Variants in ZBTB46 observed in about 807,000 individuals in gnomAD.
The protein encoded by ZBTB46 is zinc finger and BTB domain containing 46.
Under a neutral mutation model 44.1 loss-of-function variants are expected in ZBTB46, and 8 were observed. The observed-to-expected ratio is 0.18, with a 90% CI of 0.11 to 0.33. The LOEUF (loss-of-function observed/expected upper bound fraction) is 0.33. Ranked by LOEUF, ZBTB46 falls within the 10% of genes least tolerant of loss-of-function variation. ZBTB46 has a pLI of 1.00. For synonymous variants in ZBTB46, 409 were observed against 382.3 expected (o/e 1.07, Z -0.81); for missense variants, 651 against 847.7 (o/e 0.77, Z 2.88).
chr20:63,795,415 G>A (rs947809173), intron 1 of ZBTB46, among the ~76,000 whole-genome samples: 2 of 152,230 alleles, frequency 1.3e-5, no homozygotes, highest in Non-Finnish European at 2.9e-5. Context: ...CACAGGACGC[G>A]GTGCAGTTAC....
chr20:63,805,291 G>T lies in ZBTB46; in HGVS notation c.-33-14501C>A, dbSNP rs140028119. Among the ~76,000 whole-genome samples, 487 of 152,264 alleles carry T rather than the reference G, an allele frequency of 3.2e-3. 2 individuals are homozygous for T. Among genetic ancestry groups the T allele is most frequent in the African/African-American group, 0.011 (444 of 41,534 alleles). On this transcript the variant is annotated intron_variant, in intron 1 of 4. Transcript: ENST00000245663. Reference sequence around the variant, plus strand: ...TCAAAAATGTCTCATACTAAGTGCTGATAGAAGGTAAAATGAAACAGCAGC... The same window carrying T: ...TCAAAAATGTCTCATACTAAGTGCTTATAGAAGGTAAAATGAAACAGCAGC...
chr20:63,782,155 C>T (rs2092475905), intron 2 of ZBTB46, among the ~76,000 whole-genome samples: 1 of 151,624 alleles, frequency 6.6e-6, no homozygotes, highest in South Asian at 2.1e-4. Context: ...TGCAAACCCC[C>T]AGTGGTGAGC....
chr20:63,773,106 G>A (rs143763362), intron 3 of ZBTB46, among the ~76,000 whole-genome samples: 5 of 152,184 alleles, frequency 3.3e-5, no homozygotes, highest in East Asian at 3.9e-4. Flanking sequence ...CGTGCCCTCC[G>A]ACCCCATCTG....
chr20:63,803,714 CTTTT>C lies in ZBTB46; in HGVS notation c.-33-12928_-33-12925del, dbSNP rs1404122427. 6.6e-6 allele frequency among the ~76,000 whole-genome samples: 1 copy of C among 151,968 alleles called. No homozygotes were observed. The highest frequency in any genetic ancestry group is 1.5e-5 in the Non-Finnish European group (1 of 67,978). Reference sequence around the variant, plus strand: ...CGAACCTGGCTACCGTCACTTCCTTCTTTTTGTTTTTGTAATGGGGTCTCACTCT... The same window carrying C: ...CGAACCTGGCTACCGTCACTTCCTTCTGTTTTTGTAATGGGGTCTCACTCT... On this transcript the variant is annotated intron_variant, in intron 1 of 4. Coordinates refer to ENST00000245663, the MANE Select transcript of ZBTB46 (RefSeq NM_001369741.1). This position sits in a 1 kb window ranked among gnomAD's most constrained non-coding sequence, Gnocchi z 4.0.
At chr20:63,779,406 ATTTTTT>A (rs59166121) in intron 2 of ZBTB46, among the ~76,000 whole-genome samples, 5,449 of 103,842 alleles carry the variant, frequency 0.052, 194 homozygotes, top group East Asian at 0.24. Context: ...ACGCCGGCTA[ATTTTTT>A]TTTTTTTTTT....
At chr20:63,764,916 A>ATT (rs141414795) in intron 3 of ZBTB46, among the ~76,000 whole-genome samples, 1 of 146,584 alleles carries the variant, frequency 6.8e-6, no homozygotes, top group East Asian at 2.0e-4. Context: ...TGCTTTTAAG[A>ATT]TTTTTTTTTG....
At chr20:63,780,662 C>T (rs1306967514) in intron 2 of ZBTB46, among the ~76,000 whole-genome samples, 3 of 150,864 alleles carry the variant, frequency 2.0e-5, no homozygotes, top group Non-Finnish European at 3.0e-5. Context: ...ATGAGCCGGG[C>T]GTGGTGGCGG....
intron 3 of ZBTB46, among the ~76,000 whole-genome samples, chr20:63,758,132 C>T (rs1399035938): frequency 3.0e-5 from 1 of 32,832 alleles, no homozygotes; most frequent in East Asian, 6.0e-4. Flanking sequence ...TCCCTCCACC[C>T]GCCCCATCCA....
intron 3 of ZBTB46, among the ~76,000 whole-genome samples, chr20:63,753,837 A>G (rs2092194555): frequency 6.6e-6 from 1 of 152,192 alleles, no homozygotes. Context: ...CTGTGTTTTC[A>G]CCCTTGTGGA....
chr20:63,807,559 G>T (rs2092689467), intron 1 of ZBTB46, among the ~76,000 whole-genome samples: 1 of 152,054 alleles, frequency 6.6e-6, no homozygotes, highest in South Asian at 2.1e-4. Context: ...TGGCCAGGCT[G>T]GTCTCGAACT....
chr20:63,774,055 GCCCCCCC>G (rs565005627), intron 3 of ZBTB46, among the ~76,000 whole-genome samples: 1 of 7,094 alleles, frequency 1.4e-4, no homozygotes, highest in Non-Finnish European at 2.4e-4. Flanking sequence ...GGCACCCCCC[GCCCCCCC>G]CCCCCCCCCC....
intron 3 of ZBTB46, among the ~76,000 whole-genome samples, chr20:63,760,174 A>G (rs1279530091): frequency 6.6e-6 from 1 of 152,216 alleles, no homozygotes; most frequent in Non-Finnish European, 1.5e-5. Flanking sequence ...TATTTGGAAG[A>G]TATGTCTAAC....
chr20:63,797,774 T>A (rs2092614643), intron 1 of ZBTB46, among the ~76,000 whole-genome samples: 1 of 152,266 alleles, frequency 6.6e-6, no homozygotes, highest in Non-Finnish European at 1.5e-5. Flanking sequence ...CAGTTTTTCA[T>A]CTGTCTGTTG....
In ZBTB46 at chr20:63,760,651, T is replaced by C. The variant is rs1285507693; in HGVS notation, c.1223-7790A>G. 2.6e-5 allele frequency among the ~76,000 whole-genome samples: 4 copies of C among 152,162 alleles called. No individual in the cohort carries two copies. The South Asian group carries it at 6.2e-4, about 24-fold the overall frequency. ...TTTTCTATTTTTAGTAGAGACAGGG[T>C]TTCACCGTGTTAGCCAGGATGGTCT... On this transcript the variant is annotated intron_variant, in intron 3 of 4. Transcript: ENST00000245663.
chr20:63,819,120 C>G (rs1285331872), intron 1 of ZBTB46, among the ~76,000 whole-genome samples: 1 of 152,068 alleles, frequency 6.6e-6, no homozygotes, highest in East Asian at 1.9e-4. Context: ...TGGCAGTGAG[C>G]TGAGATCGCG....
upstream of ZBTB46, among the ~76,000 whole-genome samples, chr20:63,832,004 G>T (rs1197928260): frequency 2.0e-5 from 3 of 152,022 alleles, no homozygotes; most frequent in African/African-American, 7.2e-5. The surrounding 1 kb of genome is among the most constrained non-coding windows in gnomAD (Gnocchi z 5.0). Flanking sequence ...AGGCCTCGTG[G>T]GGGTGCCCGC....
At chr20:63,831,859 G>A (rs1261755470), upstream of ZBTB46, among the ~76,000 whole-genome samples, 1 of 151,598 alleles carries the variant, frequency 6.6e-6, no homozygotes, top group Non-Finnish European at 1.5e-5. Context: ...GGGCATCAAC[G>A]CGGGCCGCTC....
Position 63,767,145 on chromosome 20 carries a change from C to T in ZBTB46, c.1222+8533G>A, listed in dbSNP as rs1393892548. ...AATTCCACGCCGACACGTGGAGCGC[C>T]GCGCACATGCCAGGCACACACCGCC... is the stretch of plus-strand genomic sequence containing the variant. On this transcript the variant is annotated intron_variant, in intron 3 of 4. Coordinates refer to ENST00000245663, the MANE Select transcript of ZBTB46 (RefSeq NM_001369741.1). This position sits in a 1 kb window ranked among gnomAD's most constrained non-coding sequence, Gnocchi z 5.0. 6.6e-6 allele frequency among the ~76,000 whole-genome samples: 1 copy of T among 152,238 alleles called. No individual in the cohort carries two copies. The highest frequency in any genetic ancestry group is 2.4e-5 in the African/African-American group (1 of 41,460).
Position 63,803,652 on chromosome 20 carries a change from C to A in ZBTB46, c.-33-12862G>T, listed in dbSNP as rs544447221. On this transcript the variant is annotated intron_variant, in intron 1 of 4. Coordinates refer to ENST00000245663, the MANE Select transcript of ZBTB46 (RefSeq NM_001369741.1). The surrounding 1 kb of genome is among the most constrained non-coding windows in gnomAD (Gnocchi z 4.0). ...CCCCTTTCAGTTCCTTCATCTCCAG[C>A]CCGGCTCTGACGCCCAGGCCGCCTC... Among the ~76,000 whole-genome samples, 21 of 152,154 alleles carry A rather than the reference C, an allele frequency of 1.4e-4. No individual in the cohort carries two copies. Among genetic ancestry groups the A allele is most frequent in the African/African-American group, 4.3e-4 (18 of 41,536 alleles).
Sources: allele counts gnomAD v4.1 joint callset (sites outside exome capture counted in the v4.1 genomes callset), GRCh38; gene constraint gnomAD v4.1.1; non-coding constraint Gnocchi (gnomAD v3.1); transcripts MANE v1.5; gene names NCBI Gene and HGNC (gene_info 2026-07-23, HGNC 2026-07-21).